The following DCUN1D4 variants were observed in gnomAD, a reference collection of about 807,000 sequenced individuals.
DCUN1D4 encodes DCN1-like protein 4.
Under a neutral mutation model 47.9 loss-of-function variants are expected in DCUN1D4, and 22 were observed. The observed-to-expected ratio is 0.46, with a 90% CI of 0.33 to 0.66. The LOEUF (loss-of-function observed/expected upper bound fraction) is 0.66. Among genes scored for constraint, DCUN1D4 ranks in the 30% least tolerant of loss-of-function variants. DCUN1D4 has a pLI of 0.02. For missense variants in DCUN1D4, 301 were observed against 340.8 expected, an observed-to-expected ratio of 0.88 and a Z score of 0.92; for synonymous variants, 121 against 112.2, an observed-to-expected ratio of 1.08 and a Z score of -0.50.
intron 7 of DCUN1D4, 149 bp from the exon 8 acceptor site, chr4:51,899,118 ATTT>A (rs1178732361): frequency 7.6e-7 from 1 of 1,323,686 alleles, no homozygotes; most frequent in African/African-American, 1.5e-5. Flanking sequence ...TACATTTAAA[ATTT>A]TTTTTAAGTG....
In DCUN1D4 at chr4:51,913,334, C is replaced by A. The variant is rs767921887; in HGVS notation, c.765C>A (p.Val255=). 2 of 1,612,672 alleles carry A rather than the reference C, an allele frequency of 1.2e-6. No individual in the cohort carries two copies. Among genetic ancestry groups the A allele is most frequent in the Middle Eastern group, 1.7e-4 (1 of 6,056 alleles). Residue 255 remains valine (V), a synonymous_variant, in exon 10 of 11, where the codon GTC becomes GTA. Transcript: ENST00000334635. Reference sequence around the variant, plus strand: ...TTAATAAAGACCAGTGGTGCAATGTCCTAGAGTTTAGCAGAACAATTAATC... The same window carrying A: ...TTAATAAAGACCAGTGGTGCAATGTACTAGAGTTTAGCAGAACAATTAATC... ...KVINKDQWCN[V]LEFSRTINLD... is the part of the protein sequence containing the mutation.
At chr4:51,866,618 C>T (rs1725973446) in intron 3 of DCUN1D4, among the ~76,000 whole-genome samples, 1 of 152,100 alleles carries the variant, frequency 6.6e-6, no homozygotes, top group East Asian at 1.9e-4. Flanking sequence ...TAACTTTTAG[C>T]CACCACTAAT....
In DCUN1D4 at chr4:51,914,659, A is replaced by T. The variant is rs573843821; in HGVS notation, c.*1075A>T. On this transcript the variant is annotated 3_prime_UTR_variant, in exon 11 of 11. Transcript: ENST00000334635. ...AGCATGTCCATTGCAGGCAGTGGAC[A>T]AGAAACCACCAGCATTGAGCTAACC... 1 of 152,706 alleles carries T rather than the reference A, an allele frequency of 6.5e-6. No individual in the cohort carries two copies. The highest frequency in any genetic ancestry group is 2.1e-4 in the South Asian group (1 of 4,826). 9.5% of individuals were successfully genotyped at this position (152,706 alleles called of 1,614,324 possible). A position where few individuals can be genotyped will look rare whatever the true frequency, so the allele number is the denominator to read the frequency against.
intron 8 of DCUN1D4, among the ~76,000 whole-genome samples, chr4:51,901,479 G>A (rs1732105838): frequency 6.6e-6 from 1 of 152,166 alleles, no homozygotes; most frequent in East Asian, 1.9e-4. Flanking sequence ...TTGCACTAAC[G>A]GTTGCTCACT....
chr4:51,886,951 C>A (rs562572612), intron 6 of DCUN1D4: 24 of 425,748 alleles, frequency 5.6e-5, no homozygotes, highest in Admixed American at 3.2e-5. Context: ...CCACATTGTA[C>A]GCTGTGTACC....
At chr4:51,834,881 G>C in the DCUN1D4 span, among the ~76,000 whole-genome samples, 1 of 152,174 alleles carries the variant, frequency 6.6e-6, no homozygotes, top group Non-Finnish European at 1.5e-5. Context: ...GCTACTTAGG[G>C]ACCTACTCTT....
chr4:51,888,576 A>G (rs985728102), intron 6 of DCUN1D4, among the ~76,000 whole-genome samples: 1 of 151,818 alleles, frequency 6.6e-6, no homozygotes, highest in Non-Finnish European at 1.5e-5. Context: ...CCCCGTCTCT[A>G]TTAAAAATAC....
intron 1 of DCUN1D4, 60 bp downstream of exon 1, chr4:51,843,327 G>A: frequency 6.7e-7 from 1 of 1,484,060 alleles, no homozygotes; most frequent in Non-Finnish European, 9.0e-7. Flanking sequence ...CTCGCCACTC[G>A]GCTCCCGCAG....
At chr4:51,892,034 T>A (rs1730509247) in intron 7 of DCUN1D4, among the ~76,000 whole-genome samples, 183 bp downstream of exon 7, 1 of 152,198 alleles carries the variant, frequency 6.6e-6, no homozygotes, top group Non-Finnish European at 1.5e-5. Context: ...GGCAAATTTA[T>A]AAAGTGTCTA....
At chr4:51,909,385 C>G in intron 8 of DCUN1D4, 1 of 184,654 alleles carries the variant, frequency 5.4e-6, no homozygotes, top group South Asian at 1.1e-4. Flanking sequence ...CAACAGTTTA[C>G]TCGTTTATCT....
At chr4:51,878,780 C>G (rs1728087108) in intron 5 of DCUN1D4, among the ~76,000 whole-genome samples, 1 of 152,214 alleles carries the variant, frequency 6.6e-6, no homozygotes, top group Admixed American at 6.5e-5. Flanking sequence ...CCTTAGTAGC[C>G]TTTTCTGTAC....
At chr4:51,848,892 C>T (rs955994036) in intron 1 of DCUN1D4, among the ~76,000 whole-genome samples, 1 of 152,106 alleles carries the variant, frequency 6.6e-6, no homozygotes, top group Admixed American at 6.5e-5. Context: ...AAGACCCCTG[C>T]CCTCTTCAAA....
chr4:51,877,966 T>TA (rs769787670), intron 5 of DCUN1D4, 112 bp downstream of exon 5: 10 of 617,842 alleles, frequency 1.6e-5, no homozygotes, highest in African/African-American at 8.2e-5. Context: ...TGTGTGTGTG[T>TA]GTGTGTCCCT....
intron 7 of DCUN1D4, among the ~76,000 whole-genome samples, chr4:51,896,344 T>G (rs1410904025): frequency 6.6e-6 from 1 of 152,174 alleles, no homozygotes; most frequent in African/African-American, 2.4e-5. Flanking sequence ...GCTAACTTTA[T>G]TTTCTTTTAA....
chr4:51,905,000 G>T (rs1374852651), intron 8 of DCUN1D4, among the ~76,000 whole-genome samples: 1 of 152,144 alleles, frequency 6.6e-6, no homozygotes, highest in Admixed American at 6.5e-5. Flanking sequence ...TGCTGGGAAA[G>T]AAACTACAGT....
At chr4:51,846,230 G>A (rs1171415403) in intron 1 of DCUN1D4, among the ~76,000 whole-genome samples, 1 of 152,070 alleles carries the variant, frequency 6.6e-6, no homozygotes, top group African/African-American at 2.4e-5. Flanking sequence ...TTTGGCGCTT[G>A]GGGAGGTCCT....
chr4:51,848,442 G>A (rs1334487880), intron 1 of DCUN1D4: 3 of 966,880 alleles, frequency 3.1e-6, no homozygotes, highest in East Asian at 1.9e-4. Context: ...TGGTCCTAAG[G>A]ATTTATTTCT....
Position 51,913,337 on chromosome 4 carries a change from A to G in DCUN1D4, c.768A>G (p.Leu256=), listed in dbSNP as rs750996854. 6.2e-7 allele frequency: 1 copy of G among 1,612,886 alleles called. No individual in the cohort carries two copies. The highest frequency in any genetic ancestry group is 2.2e-5 in the East Asian group (1 of 44,784). ...ATAAAGACCAGTGGTGCAATGTCCT[A>G]GAGTTTAGCAGAACAATTAATCTTG... ...VINKDQWCNV[L]EFSRTINLDL... The change falls in exon 10 of 11, where the codon CTA becomes CTG. Residue 256 remains leucine (L), a synonymous_variant. Coordinates refer to ENST00000334635, the MANE Select transcript of DCUN1D4 (RefSeq NM_001040402.3).
intron 1 of DCUN1D4, among the ~76,000 whole-genome samples, chr4:51,844,691 C>A (rs1324928657): frequency 1.3e-5 from 2 of 151,804 alleles, no homozygotes; most frequent in East Asian, 3.9e-4. Flanking sequence ...TTCTCCCAGG[C>A]GTGCTGGGAG....
Sources: gnomAD v4.1 joint callset for allele counts (sites outside exome capture counted in the v4.1 genomes callset) on GRCh38, gnomAD v4.1.1 for gene constraint, MANE v1.5 for transcripts, NCBI Gene and HGNC (gene_info 2026-07-23, HGNC 2026-07-21) for gene names.